The following PRKCE variants were observed in gnomAD, a reference collection of about 807,000 sequenced individuals.
PRKCE encodes protein kinase C epsilon, also known as protein kinase C epsilon type.
A neutral mutation model predicts 85.4 loss-of-function variants in PRKCE; 16 were observed. The observed-to-expected ratio is 0.19, with a 90% CI of 0.13 to 0.28. PRKCE has a LOEUF of 0.28. PRKCE is among the 10% of genes least tolerant of loss of function. The pLI, the probability that PRKCE is intolerant of heterozygous loss-of-function variation, is 1.00. For missense variants in PRKCE, 573 were observed against 975.2 expected, an observed-to-expected ratio of 0.59 and a Z score of 5.49; for synonymous variants, 388 against 371.5, an observed-to-expected ratio of 1.04 and a Z score of -0.51.
At chr2:46,094,881 G>A (rs1439286071) in intron 11 of PRKCE, among the ~76,000 whole-genome samples, 1 of 151,080 alleles carries the variant, frequency 6.6e-6, no homozygotes, top group African/African-American at 2.4e-5. Context: ...GTGCTGCTGT[G>A]CAGAAGTCTG....
chr2:46,172,277 G>A (rs1678986432), intron 14 of PRKCE, among the ~76,000 whole-genome samples: 1 of 152,194 alleles, frequency 6.6e-6, no homozygotes, highest in African/African-American at 2.4e-5. Flanking sequence ...AAGACTCCTG[G>A]GGCACTTAGC....
At chr2:45,691,043 T>A (rs543724093) in intron 1 of PRKCE, among the ~76,000 whole-genome samples, 1 of 152,370 alleles carries the variant, frequency 6.6e-6, no homozygotes, top group Admixed American at 6.5e-5. Flanking sequence ...GATTTCTTTC[T>A]CTTATGGCTT....
At chr2:45,957,541 T>C (rs973213353) in intron 2 of PRKCE, among the ~76,000 whole-genome samples, 30 of 152,262 alleles carry the variant, frequency 2.0e-4, no homozygotes, top group African/African-American at 7.2e-4. Context: ...ATCAGTGTTC[T>C]AATTACTTGT....
chr2:46,126,697 C>G (rs1009551726), intron 11 of PRKCE, among the ~76,000 whole-genome samples: 1 of 152,166 alleles, frequency 6.6e-6, no homozygotes, highest in African/African-American at 2.4e-5. Flanking sequence ...TAGGACCTAA[C>G]ACAGAACCGG....
chr2:46,109,804 A>T (rs1672088885), intron 11 of PRKCE, among the ~76,000 whole-genome samples: 1 of 152,066 alleles, frequency 6.6e-6, no homozygotes. Context: ...GCATCCAGCT[A>T]CTCACCATTA....
intron 1 of PRKCE, among the ~76,000 whole-genome samples, chr2:45,830,060 G>A (rs954280871): frequency 6.9e-5 from 8 of 115,908 alleles, no homozygotes; most frequent in Admixed American, 9.3e-5. Context: ...GCGACAGAGC[G>A]AGACTCCGTC....
At chr2:45,770,497 C>T (rs192207224) in intron 1 of PRKCE, among the ~76,000 whole-genome samples, 19 of 152,246 alleles carry the variant, frequency 1.2e-4, no homozygotes, top group Non-Finnish European at 2.5e-4. Context: ...CGCAGAAGGA[C>T]GGTTTACTGT....
At chr2:45,875,547 G>C (rs1228792456) in intron 2 of PRKCE, among the ~76,000 whole-genome samples, 1 of 152,222 alleles carries the variant, frequency 6.6e-6, no homozygotes, top group Non-Finnish European at 1.5e-5. Context: ...TCTGGGCACT[G>C]ATTTACACAT....
chr2:45,959,638 T>G (rs979443866), intron 2 of PRKCE, among the ~76,000 whole-genome samples: 1 of 152,192 alleles, frequency 6.6e-6, no homozygotes, highest in African/African-American at 2.4e-5. Flanking sequence ...TAGGGAACAC[T>G]TTGATCTGAA....
chr2:45,886,120 G>C (rs1304370745), intron 2 of PRKCE, among the ~76,000 whole-genome samples: 2 of 152,190 alleles, frequency 1.3e-5, no homozygotes. Flanking sequence ...ACTCTTACCT[G>C]TCCGGGCCAT....
At chr2:46,124,539 T>G (rs1175914296) in intron 11 of PRKCE, among the ~76,000 whole-genome samples, 1 of 152,218 alleles carries the variant, frequency 6.6e-6, no homozygotes, top group Non-Finnish European at 1.5e-5. Flanking sequence ...ATGAGTTTCC[T>G]TGATACTGCC....
intron 14 of PRKCE, among the ~76,000 whole-genome samples, chr2:46,160,596 G>A (rs889097145): frequency 1.1e-4 from 16 of 151,966 alleles, no homozygotes; most frequent in African/African-American, 3.4e-4. Context: ...GGTGTGCAAT[G>A]TAAGAGTTTA....
At chr2:46,132,210 C>G (rs1317371260) in intron 11 of PRKCE, among the ~76,000 whole-genome samples, 2 of 152,020 alleles carry the variant, frequency 1.3e-5, no homozygotes, top group East Asian at 3.9e-4. Context: ...TCTCAAGTCC[C>G]AACCATCAAG....
chr2:45,936,142 C>T (rs891618037), intron 2 of PRKCE, among the ~76,000 whole-genome samples: 7 of 152,148 alleles, frequency 4.6e-5, no homozygotes, highest in Admixed American at 6.5e-5. Context: ...ACTCTGGTCA[C>T]GCCAAGGATG....
intron 1 of PRKCE, among the ~76,000 whole-genome samples, chr2:45,668,051 C>A (rs1424645239): frequency 6.6e-6 from 1 of 152,116 alleles, no homozygotes. Context: ...TAGAAAAGTT[C>A]TTGTCACGGC....
At position 45,843,848 on chromosome 2, in the gene PRKCE, G is replaced by A. The variant is rs189947154; in HGVS notation, c.412+785G>A. Among the ~76,000 whole-genome samples the A allele has an allele frequency of 2.1e-4, 32 of 152,316 alleles. No individual in the cohort carries two copies. In the East Asian group the frequency reaches 5.0e-3, roughly 24 times the overall value. On this transcript the variant is annotated intron_variant, in intron 2 of 14. Transcript: ENST00000306156. ...TCCTACTCCTCCATCTGTGGGCAGGGGGACAGAACAGTTGGCTTTAATGCC... is the reference window on the plus strand; with the variant it reads ...TCCTACTCCTCCATCTGTGGGCAGGAGGACAGAACAGTTGGCTTTAATGCC...
At chr2:46,146,763 C>T (rs1334935762) in intron 12 of PRKCE, among the ~76,000 whole-genome samples, 2 of 152,194 alleles carry the variant, frequency 1.3e-5, no homozygotes, top group Non-Finnish European at 2.9e-5. Flanking sequence ...AAAATGACAA[C>T]TTATGACATT....
At chr2:45,990,206 A>T (rs1703677663) in intron 6 of PRKCE, among the ~76,000 whole-genome samples, 1 of 152,196 alleles carries the variant, frequency 6.6e-6, no homozygotes, top group South Asian at 2.1e-4. Context: ...CTGGAAGAGG[A>T]TCCACTTCCA....
intron 1 of PRKCE, among the ~76,000 whole-genome samples, chr2:45,752,252 C>T (rs1683635254): frequency 1.3e-5 from 2 of 152,310 alleles, no homozygotes; most frequent in East Asian, 1.9e-4. Flanking sequence ...CAGATATTAT[C>T]GTTATCCCCA....
Sources: gnomAD v4.1 joint callset for allele counts (sites outside exome capture counted in the v4.1 genomes callset) on GRCh38, gnomAD v4.1.1 for gene constraint, MANE v1.5 for transcripts, NCBI Gene and HGNC (gene_info 2026-07-23, HGNC 2026-07-21) for gene names.